RYR3: variants seen among roughly 807,000 people sequenced by gnomAD.
RYR3 encodes the protein ryanodine receptor 3.
In RYR3, 207 loss-of-function variants were observed where a neutral mutation model predicts 584.3. That is an observed-to-expected ratio of 0.35 (90% confidence interval 0.32 to 0.40). RYR3 has a LOEUF of 0.40. Among genes scored for constraint, RYR3 ranks in the 10% least tolerant of loss-of-function variants. The probability of loss-of-function intolerance (pLI) is 1.00; values close to 1 mark genes in which losing one functional copy is unlikely to be tolerated. For missense variants in RYR3, 5,616 were observed against 6,089.2 expected, an observed-to-expected ratio of 0.92 and a Z score of 2.59; for synonymous variants, 2,416 against 2,248.5, an observed-to-expected ratio of 1.07 and a Z score of -2.11.
chr15:33,822,351 A>G (rs1555474986), intron 80 of RYR3, among the ~76,000 whole-genome samples: 7 of 152,214 alleles, frequency 4.6e-5, no homozygotes, highest in Non-Finnish European at 1.5e-5. Context: ...GTTATATCCC[A>G]GGGCCTGTGA....
chr15:33,806,832 C>G (rs34531207), intron 69 of RYR3, among the ~76,000 whole-genome samples: 5,468 of 151,618 alleles, frequency 0.036, 188 homozygotes, highest in Middle Eastern at 0.068. Flanking sequence ...TAGCTCACTG[C>G]AGCCTTGAAC....
chr15:33,809,564 CT>C (rs577728101), intron 70 of RYR3, among the ~76,000 whole-genome samples: 240 of 151,940 alleles, frequency 1.6e-3, no homozygotes, highest in Non-Finnish European at 2.6e-3. Context: ...AGTGGGTTCC[CT>C]GGGGCTGCTA....
chr15:33,490,011 C>CA (rs1339105969), intron 2 of RYR3, among the ~76,000 whole-genome samples: 1 of 152,046 alleles, frequency 6.6e-6, no homozygotes, highest in South Asian at 2.1e-4. Flanking sequence ...CATTTGCAAA[C>CA]AAAAAACTTT....
intron 38 of RYR3, among the ~76,000 whole-genome samples, chr15:33,694,325 A>T (rs2065669197): frequency 1.3e-5 from 2 of 151,758 alleles, no homozygotes; most frequent in South Asian, 4.2e-4. Context: ...GCTCACTGCA[A>T]GCTCCGCCTC....
At chr15:33,865,063 A>T in intron 103 of RYR3, 68 bp from the exon 104 acceptor site, 1 of 1,298,744 alleles carries the variant, frequency 7.7e-7, no homozygotes, top group Non-Finnish European at 1.1e-6. Flanking sequence ...CACAAAGAAC[A>T]AAAACAAACT....
chr15:33,615,186 GC>G (rs2060389405), intron 19 of RYR3, among the ~76,000 whole-genome samples: 1 of 152,124 alleles, frequency 6.6e-6, no homozygotes, highest in Non-Finnish European at 1.5e-5. Context: ...GTCCATGGAA[GC>G]CCCTGGAAAG....
rs939988845 is a variant in RYR3 at position 33,470,242 on chromosome 15, A to G, written c.52-3177A>G. Among the ~76,000 whole-genome samples, 4 of 152,118 alleles carry G rather than the reference A, an allele frequency of 2.6e-5. No individual in the cohort carries two copies. The East Asian group carries it at 7.7e-4, about 29-fold the overall frequency. On this transcript the variant is annotated intron_variant, in intron 1 of 103. Coordinates refer to ENST00000634891, the MANE Select transcript of RYR3 (RefSeq NM_001036.6). ...ACCATTGCTTATTATTGCACCTTCTAACTTAGTACTTTCTTCTCTTTATTT... is the reference window on the plus strand; with the variant it reads ...ACCATTGCTTATTATTGCACCTTCTGACTTAGTACTTTCTTCTCTTTATTT...
intron 34 of RYR3, among the ~76,000 whole-genome samples, chr15:33,660,646 C>T (rs1413090406): frequency 6.6e-6 from 1 of 152,174 alleles, no homozygotes; most frequent in Admixed American, 6.5e-5. Context: ...TGTTGCAGCT[C>T]CTAGTGCCTG....
chr15:33,818,539 A>G (rs750617323), intron 75 of RYR3, 39 bp from the exon 76 acceptor site: 4 of 1,499,318 alleles, frequency 2.7e-6, no homozygotes, highest in Non-Finnish European at 2.8e-6. Flanking sequence ...GCACGAGATT[A>G]AATTCATGCC....
At chr15:33,350,528 A>G (rs2140923117) in intron 1 of RYR3, among the ~76,000 whole-genome samples, 1 of 151,438 alleles carries the variant, frequency 6.6e-6, no homozygotes, top group Non-Finnish European at 1.5e-5. Context: ...CTCCTCAGCA[A>G]ATGTAAAAGA....
At chr15:33,488,652 A>C (rs991624331) in intron 2 of RYR3, among the ~76,000 whole-genome samples, 1 of 152,106 alleles carries the variant, frequency 6.6e-6, no homozygotes, top group African/African-American at 2.4e-5. Context: ...GGAGATCGAG[A>C]CCATCCTGGC....
intron 5 of RYR3, among the ~76,000 whole-genome samples, chr15:33,536,649 T>C (rs2055354957): frequency 2.3e-5 from 1 of 43,300 alleles, no homozygotes; most frequent in African/African-American, 2.0e-4. Context: ...TCAGAGAACA[T>C]TAAAGATGCA....
chr15:33,643,178 G>A (rs2061925066), intron 27 of RYR3, among the ~76,000 whole-genome samples: 1 of 152,072 alleles, frequency 6.6e-6, no homozygotes, highest in Admixed American at 6.5e-5. Context: ...TTATCCTAGG[G>A]AGTGACACCA....
intron 45 of RYR3, among the ~76,000 whole-genome samples, chr15:33,725,182 C>CACACACACACACACATATATAT (rs2068276380): frequency 1.3e-5 from 2 of 149,278 alleles, no homozygotes; most frequent in African/African-American, 2.5e-5. Flanking sequence ...CACACACACA[C>CACACACACACACACATATATAT]ACACACACAC....
Position 33,722,930 on chromosome 15 carries a change from G to A in RYR3, c.6800+35G>A, listed in dbSNP as rs369149245. 2.8e-5 allele frequency: 42 copies of A among 1,511,682 alleles called. No individual in the cohort carries two copies. The African/African-American group carries it at 3.2e-4, about 12-fold the overall frequency. 93.6% of individuals were successfully genotyped at this position (1,511,682 alleles called of 1,614,324 possible). On this transcript the variant is annotated intron_variant, in intron 44 of 103. Transcript: ENST00000634891. ...TGGAATTCCCTTCCGGCACAGATAC[G>A]GTTGGTGAGCTCTCAGATATTATTG...
At chr15:33,723,464 C>T (rs1404235606) in intron 44 of RYR3, among the ~76,000 whole-genome samples, 1 of 152,236 alleles carries the variant, frequency 6.6e-6, no homozygotes, top group African/African-American at 2.4e-5. Flanking sequence ...GATTGTCTTA[C>T]TTTCCCTTTA....
rs1555427717 is a variant in RYR3, at chr15:33,725,993, A to AAAAAAAC, written c.6913-389_6913-388insAACAAAA. ...CCCCCCCCCAAAAAAAAAAAAAAAA[A>AAAAAAAC]AAAACAGAATTCTAGAGTCTGGCAT... On this transcript the variant is annotated intron_variant, in intron 45 of 103. Transcript: ENST00000634891. Among the ~76,000 whole-genome samples, 18 of 79,076 alleles carry AAAAAAAC rather than the reference A, an allele frequency of 2.3e-4. 4 individuals carry two copies. Among genetic ancestry groups the AAAAAAAC allele is most frequent in the Admixed American group, 3.8e-4 (2 of 5,268 alleles). The allele number at this position is 79,076 out of a possible 152,430, so 51.9% of individuals were successfully genotyped here.
intron 81 of RYR3, among the ~76,000 whole-genome samples, chr15:33,824,913 C>T (rs959857099): frequency 2.6e-5 from 4 of 152,196 alleles, no homozygotes; most frequent in Non-Finnish European, 5.9e-5. Context: ...CATCAGCAAG[C>T]TTTGTGGTTG....
chr15:33,336,507 AGGG>A lies in RYR3; in HGVS notation c.51+25412_51+25414del, dbSNP rs1175910456. 1.1e-3 allele frequency among the ~76,000 whole-genome samples: 67 copies of A among 59,732 alleles called. 12 individuals carry two copies. Among genetic ancestry groups the A allele is most frequent in the African/African-American group, 4.3e-3 (38 of 8,908 alleles). 39.2% of individuals were successfully genotyped at this position (59,732 alleles called of 152,430 possible). A position where few individuals can be genotyped will look rare whatever the true frequency, so the allele number is the denominator to read the frequency against. The stretch of plus-strand genomic sequence containing the variant: ...GAGAGAAAGAAAGAAAGAAAGAAGG[AGGG>A]AAGGAGGGAAGGAGGGAAGGAGGGA... On this transcript the variant is annotated intron_variant, in intron 1 of 103. Coordinates refer to ENST00000634891, the MANE Select transcript of RYR3 (RefSeq NM_001036.6).
Sources: allele counts gnomAD v4.1 joint callset (sites outside exome capture counted in the v4.1 genomes callset), GRCh38; gene constraint gnomAD v4.1.1; transcripts MANE v1.5; gene names NCBI Gene and HGNC (gene_info 2026-07-23, HGNC 2026-07-21).